DNAJC15: variants seen among roughly 807,000 people sequenced by gnomAD.
DNAJC15 encodes dnaJ homolog subfamily C member 15.
Under a neutral mutation model 22.4 loss-of-function variants are expected in DNAJC15, and 27 were observed. The observed-to-expected ratio is 1.20, with a 90% CI of 0.89 to 1.66. The LOEUF (loss-of-function observed/expected upper bound fraction) is 1.66. Among genes scored for constraint, DNAJC15 ranks in the 40% most tolerant of loss-of-function variants. The pLI, the probability that DNAJC15 is intolerant of heterozygous loss-of-function variation, is 0.00. For synonymous variants in DNAJC15, 79 were observed against 63.2 expected (o/e 1.25, Z -1.19); for missense variants, 208 against 187.1 (o/e 1.11, Z -0.65).
intron 5 of DNAJC15, among the ~76,000 whole-genome samples, chr13:43,094,780 T>A (rs1480107970): frequency 6.6e-6 from 1 of 152,214 alleles, no homozygotes; most frequent in Non-Finnish European, 1.5e-5. Flanking sequence ...CTTGTGAGAC[T>A]GCAAGAAGCC....
At chr13:43,048,021 C>T (rs1031344213) in intron 1 of DNAJC15, among the ~76,000 whole-genome samples, 2 of 152,120 alleles carry the variant, frequency 1.3e-5, no homozygotes, top group African/African-American at 4.8e-5. Context: ...TGAAACCATT[C>T]GATTTCACTG....
At chr13:43,096,950 T>C (rs2040742563) in intron 5 of DNAJC15, among the ~76,000 whole-genome samples, 1 of 152,160 alleles carries the variant, frequency 6.6e-6, no homozygotes, top group Admixed American at 6.5e-5. Context: ...GCTTAGGCCC[T>C]AGTGAGGCCA....
chr13:43,064,676 A>T (rs2040574875), intron 1 of DNAJC15, among the ~76,000 whole-genome samples: 1 of 152,208 alleles, frequency 6.6e-6, no homozygotes, highest in African/African-American at 2.4e-5. Flanking sequence ...AATAAAGGCA[A>T]TTCAGGGATG....
At chr13:43,033,416 GA>G (rs554626155) in intron 1 of DNAJC15, among the ~76,000 whole-genome samples, 55 of 147,952 alleles carry the variant, frequency 3.7e-4, no homozygotes, top group Middle Eastern at 3.5e-3. Flanking sequence ...GACCCTACTG[GA>G]AAAAAAAAAT....
chr13:43,094,715 T>G (rs2040731248), intron 5 of DNAJC15, among the ~76,000 whole-genome samples: 1 of 152,204 alleles, frequency 6.6e-6, no homozygotes, highest in Non-Finnish European at 1.5e-5. Context: ...ATTTTCAAAC[T>G]TGCCTTTTTC....
intron 1 of DNAJC15, among the ~76,000 whole-genome samples, chr13:43,033,992 C>T (rs1593309005): frequency 1.3e-5 from 2 of 149,040 alleles, no homozygotes; most frequent in African/African-American, 2.5e-5. Flanking sequence ...CATGTTATTG[C>T]GCTCCAGCCT....
intron 1 of DNAJC15, among the ~76,000 whole-genome samples, chr13:43,052,187 TCTC>T (rs1311655416): frequency 1.3e-5 from 2 of 151,552 alleles, no homozygotes; most frequent in African/African-American, 2.4e-5. Flanking sequence ...ATGGTCTCGA[TCTC>T]CTGACCTTGT....
chr13:43,076,328 A>G (rs2040633815), intron 3 of DNAJC15, among the ~76,000 whole-genome samples: 1 of 152,204 alleles, frequency 6.6e-6, no homozygotes, highest in Non-Finnish European at 1.5e-5. Context: ...GGAATTATTT[A>G]TTACCAAGTA....
intron 2 of DNAJC15, among the ~76,000 whole-genome samples, chr13:43,067,086 T>C (rs1217751900): frequency 6.6e-6 from 1 of 152,250 alleles, no homozygotes; most frequent in Non-Finnish European, 1.5e-5. Context: ...TTGTAAGTTC[T>C]ATCGGTTTGA....
At chr13:43,048,788 A>G (rs978756960) in intron 1 of DNAJC15, among the ~76,000 whole-genome samples, 7 of 152,216 alleles carry the variant, frequency 4.6e-5, no homozygotes, top group Non-Finnish European at 7.3e-5. Context: ...AGCTTGTTCT[A>G]TAAGTAGAAG....
intron 1 of DNAJC15, among the ~76,000 whole-genome samples, chr13:43,035,026 A>C (rs1396809507): frequency 6.6e-6 from 1 of 152,156 alleles, no homozygotes; most frequent in East Asian, 1.9e-4. Flanking sequence ...ATGTTCCCCA[A>C]TTCCTTTATC....
At chr13:43,040,680 G>A (rs546696602) in intron 1 of DNAJC15, among the ~76,000 whole-genome samples, 6 of 152,194 alleles carry the variant, frequency 3.9e-5, no homozygotes, top group East Asian at 1.9e-4. Flanking sequence ...TTCAGCATAC[G>A]GAGGATCTCG....
chr13:43,023,758 C>G, intron 1 of DNAJC15, 24 bp downstream of exon 1: 1 of 1,580,080 alleles, frequency 6.3e-7, no homozygotes, highest in South Asian at 1.1e-5. Flanking sequence ...GCGGCCCCCA[C>G]CCCTCTCTGG....
chr13:43,036,934 G>A (rs1484025591), intron 1 of DNAJC15, among the ~76,000 whole-genome samples: 1 of 152,256 alleles, frequency 6.6e-6, no homozygotes, highest in Non-Finnish European at 1.5e-5. Flanking sequence ...GGCAGTGGGA[G>A]CAGGCATTTC....
At chr13:43,103,013 T>C (rs2040777451) in intron 5 of DNAJC15, among the ~76,000 whole-genome samples, 1 of 152,210 alleles carries the variant, frequency 6.6e-6, no homozygotes, top group South Asian at 2.1e-4. Context: ...TTGAAATGTT[T>C]TCTTTTTCTT....
At chr13:43,055,562 G>A (rs1403182782) in intron 1 of DNAJC15, among the ~76,000 whole-genome samples, 1 of 152,188 alleles carries the variant, frequency 6.6e-6, no homozygotes, top group Non-Finnish European at 1.5e-5. Flanking sequence ...CCCAGACAAC[G>A]AGGCTGCTTC....
Position 43,107,087 on chromosome 13 carries a change from A to G in DNAJC15, c.383-91A>G, listed in dbSNP as rs1230620537. The stretch of plus-strand genomic sequence containing the variant: ...TGTCAGAGGATTAATGTGTGAGACA[A>G]TATTCAAAAAAGAGTATTTTTATAT... On this transcript the variant is annotated intron_variant, in intron 5 of 5. Coordinates refer to ENST00000379221, the MANE Select transcript of DNAJC15 (RefSeq NM_013238.3). 7 of 988,380 alleles carry G rather than the reference A, an allele frequency of 7.1e-6. No individual in the cohort carries two copies. The East Asian group carries it at 1.2e-4, about 17-fold the overall frequency. The allele number at this position is 988,380 out of a possible 1,614,324, so 61.2% of individuals were successfully genotyped here. A position where few individuals can be genotyped will look rare whatever the true frequency, so the allele number is the denominator to read the frequency against.
intron 5 of DNAJC15, among the ~76,000 whole-genome samples, chr13:43,092,417 A>G (rs1403875457): frequency 6.6e-6 from 1 of 151,716 alleles, no homozygotes; most frequent in African/African-American, 2.4e-5. Flanking sequence ...AAGTGTGACA[A>G]TTTTAGACTT....
In DNAJC15 at chr13:43,107,368, C is replaced by T. The variant is rs2040802462; in HGVS notation, c.*120C>T. ...CTATATGGATTGACCACAGTCTTAT[C>T]TTCCACCATTAAGCTGTATAACAAT... On this transcript the variant is annotated 3_prime_UTR_variant, in exon 6 of 6. Coordinates refer to ENST00000379221, the MANE Select transcript of DNAJC15 (RefSeq NM_013238.3). The T allele has an allele frequency of 1.0e-5, 7 of 693,994 alleles. No homozygotes were observed. The highest frequency in any genetic ancestry group is 1.9e-5 in the African/African-American group (1 of 52,980). The allele number at this position is 693,994 out of a possible 1,614,324, so 43.0% of individuals were successfully genotyped here.
Sources: gnomAD v4.1 joint callset for allele counts (sites outside exome capture counted in the v4.1 genomes callset) on GRCh38, gnomAD v4.1.1 for gene constraint, MANE v1.5 for transcripts, NCBI Gene and HGNC (gene_info 2026-07-23, HGNC 2026-07-21) for gene names.